DEUP1: variants seen among roughly 807,000 people sequenced by gnomAD.
The protein encoded by DEUP1 is coiled-coil domain containing 67.
DEUP1 carries 82 observed loss-of-function variants against 87.4 expected under a neutral mutation model. That is an observed-to-expected ratio of 0.94 (90% CI 0.78 to 1.13). The LOEUF is 1.13. Among genes scored for constraint, DEUP1 ranks in the 50% most tolerant of loss-of-function variants. The pLI is 0.00. For synonymous variants in DEUP1, 214 were observed against 222.7 expected (o/e 0.96, Z 0.35); for missense variants, 663 against 681.5 (o/e 0.97, Z 0.30).
At chr11:93,416,143 C>T (rs975819310) in intron 13 of DEUP1, among the ~76,000 whole-genome samples, 2 of 152,104 alleles carry the variant, frequency 1.3e-5, no homozygotes, top group Non-Finnish European at 2.9e-5. Flanking sequence ...AGAGCAAACA[C>T]TTGCAAAAGC....
intron 2 of DEUP1, among the ~76,000 whole-genome samples, chr11:93,346,160 G>A (rs1053907017): frequency 7.2e-5 from 11 of 152,162 alleles, no homozygotes; most frequent in Non-Finnish European, 1.0e-4. Context: ...AGATCAGATG[G>A]TTGTAGATGT....
intron 2 of DEUP1, among the ~76,000 whole-genome samples, chr11:93,339,473 G>T (rs1943948653): frequency 6.6e-6 from 1 of 152,152 alleles, no homozygotes; most frequent in African/African-American, 2.4e-5. Context: ...AATGGTTCAA[G>T]AATAGGAAAA....
chr11:93,385,487 A>T lies in DEUP1; in HGVS notation c.879A>T (p.Leu293Phe). Residue 293 changes from leucine to phenylalanine, a missense_variant, in exon 8 of 14, where the codon TTA becomes TTT. Physicochemically the swap from Leu to Phe is conservative, Grantham distance 22 (BLOSUM62 0). Transcript: ENST00000298050. Reference protein sequence around the residue: ...LRIIEMERLQLHRELLKIGEC... With the variant: ...LRIIEMERLQFHRELLKIGEC... ...TTATAGAAATGGAACGATTGCAATT[A>T]CACAGAGAATTATTAAAAATAGGAG... 1 of 1,611,532 alleles carries T rather than the reference A, an allele frequency of 6.2e-7. No individual in the cohort carries two copies. The highest frequency in any genetic ancestry group is 8.5e-7 in the Non-Finnish European group (1 of 1,178,558).
intron 13 of DEUP1, among the ~76,000 whole-genome samples, chr11:93,431,490 T>C (rs1948108537): frequency 6.6e-6 from 1 of 152,194 alleles, no homozygotes; most frequent in South Asian, 2.1e-4. Context: ...TGGATTTTAT[T>C]TTAAAACAAT....
At chr11:93,331,535 G>C (rs957209717) in intron 1 of DEUP1, among the ~76,000 whole-genome samples, 1 of 152,010 alleles carries the variant, frequency 6.6e-6, no homozygotes, top group Non-Finnish European at 1.5e-5. Context: ...CCCAGATAGG[G>C]CCAAAGAAAG....
At chr11:93,338,242 C>T (rs1287105325) in intron 2 of DEUP1, among the ~76,000 whole-genome samples, 1 of 151,608 alleles carries the variant, frequency 6.6e-6, no homozygotes. Flanking sequence ...GAAGTAGCAA[C>T]ACAAGTATCA....
intron 2 of DEUP1, among the ~76,000 whole-genome samples, chr11:93,351,489 T>C (rs1193377567): frequency 6.6e-6 from 1 of 152,188 alleles, no homozygotes; most frequent in Non-Finnish European, 1.5e-5. Flanking sequence ...CATAGTTCTT[T>C]TTCTTCAGAG....
Position 93,402,833 on chromosome 11 carries a change from T to C in DEUP1, c.1327-5398T>C, listed in dbSNP as rs141246783. The stretch of plus-strand genomic sequence containing the variant: ...GCTGAAAATGTGGATCTTATGAAGA[T>C]AGAAAGTAAATTGGTGGTTACCAGA... On this transcript the variant is annotated intron_variant, in intron 11 of 13. Coordinates refer to ENST00000298050, the MANE Select transcript of DEUP1 (RefSeq NM_181645.4). Among the ~76,000 whole-genome samples, 100 of 151,896 alleles carry C rather than the reference T, an allele frequency of 6.6e-4. No individual in the cohort carries two copies. In the East Asian group the frequency reaches 9.7e-3, roughly 15 times the overall value.
At chr11:93,388,019 C>T (rs1451878194) in intron 8 of DEUP1, among the ~76,000 whole-genome samples, 7 of 152,070 alleles carry the variant, frequency 4.6e-5, no homozygotes, top group African/African-American at 1.7e-4. Context: ...CTCTGATATA[C>T]TTTGTTATCC....
intron 13 of DEUP1, among the ~76,000 whole-genome samples, chr11:93,415,759 T>C (rs1481028639): frequency 6.6e-6 from 1 of 152,056 alleles, no homozygotes; most frequent in African/African-American, 2.4e-5. Context: ...TGGCTTCTTT[T>C]TCTCAACCTT....
chr11:93,418,100 C>A (rs1284872076), intron 13 of DEUP1, among the ~76,000 whole-genome samples: 2 of 152,142 alleles, frequency 1.3e-5, no homozygotes, highest in African/African-American at 2.4e-5. Flanking sequence ...CTAGGCATTA[C>A]CATTCAGGAC....
At chr11:93,373,621 A>G (rs1002295469) in intron 7 of DEUP1, among the ~76,000 whole-genome samples, 27 of 32,846 alleles carry the variant, frequency 8.2e-4, no homozygotes, top group African/African-American at 1.4e-3. Flanking sequence ...ATGTATATAT[A>G]TACGTATATA....
chr11:93,406,701 A>C (rs1389187381), intron 11 of DEUP1, among the ~76,000 whole-genome samples: 1 of 151,954 alleles, frequency 6.6e-6, no homozygotes, highest in Non-Finnish European at 1.5e-5. Flanking sequence ...ACATATTTTC[A>C]ACTAACTTAA....
chr11:93,347,202 A>G (rs1401346847), intron 2 of DEUP1, among the ~76,000 whole-genome samples: 1 of 151,946 alleles, frequency 6.6e-6, no homozygotes, highest in Non-Finnish European at 1.5e-5. Flanking sequence ...TTTCCTTGGA[A>G]CCTAGTTTAT....
intron 8 of DEUP1, among the ~76,000 whole-genome samples, chr11:93,388,512 A>C (rs958531750): frequency 1.3e-5 from 2 of 152,138 alleles, no homozygotes; most frequent in African/African-American, 4.8e-5. Flanking sequence ...TTGCAATTCC[A>C]CTTTATAAAT....
intron 2 of DEUP1, among the ~76,000 whole-genome samples, chr11:93,341,282 G>A (rs1944060570): frequency 6.6e-6 from 1 of 151,916 alleles, no homozygotes; most frequent in Non-Finnish European, 1.5e-5. Context: ...AGCTGGGTGT[G>A]GTGGCACACA....
At chr11:93,363,820 C>T (rs925682389) in intron 4 of DEUP1, among the ~76,000 whole-genome samples, 4 of 151,700 alleles carry the variant, frequency 2.6e-5, no homozygotes, top group East Asian at 1.9e-4. Flanking sequence ...AAACACAAGA[C>T]GGCACTAACT....
At chr11:93,413,130 A>G (rs1210603468) in intron 12 of DEUP1, among the ~76,000 whole-genome samples, 1 of 152,234 alleles carries the variant, frequency 6.6e-6, no homozygotes, top group African/African-American at 2.4e-5. Context: ...AGGTTAAATT[A>G]AACTATGAAG....
intron 2 of DEUP1, among the ~76,000 whole-genome samples, chr11:93,352,913 G>A (rs1944697488): frequency 6.6e-6 from 1 of 152,006 alleles, no homozygotes; most frequent in Non-Finnish European, 1.5e-5. Flanking sequence ...GATTTTGGTG[G>A]GGACACAGGC....
Sources: gnomAD v4.1 joint callset for allele counts (sites outside exome capture counted in the v4.1 genomes callset) on GRCh38, gnomAD v4.1.1 for gene constraint, MANE v1.5 for transcripts, NCBI Gene and HGNC (gene_info 2026-07-23, HGNC 2026-07-21) for gene names.